Variants in CKAP5 observed in about 807,000 individuals in gnomAD.
The protein encoded by CKAP5 is cytoskeleton associated protein 5, also known as cytoskeleton-associated protein 5.
In CKAP5, 27 loss-of-function variants were observed where a neutral mutation model predicts 232.8. The ratio of observed to expected loss-of-function variants is 0.12; its 90% CI spans 0.09 to 0.16. CKAP5 has a LOEUF of 0.16. Among genes scored for constraint, CKAP5 ranks in the 10% least tolerant of loss-of-function variants. CKAP5 has a pLI of 1.00. For synonymous variants in CKAP5, 785 were observed against 841.1 expected (o/e 0.93, Z 1.16); for missense variants, 1,838 against 2,424.7 (o/e 0.76, Z 5.08).
intron 1 of CKAP5, among the ~76,000 whole-genome samples, chr11:46,845,432 T>A (rs572384013): frequency 6.6e-6 from 1 of 152,364 alleles, no homozygotes; most frequent in Non-Finnish European, 1.5e-5. Context: ...CTAGCCACTC[T>A]GGCAACAACC....
At position 46,758,649 on chromosome 11, in the gene CKAP5, T is replaced by C. The variant is rs143893212; in HGVS notation, c.4689+274A>G. 3.3e-3 allele frequency: 939 copies of C among 283,810 alleles called. 8 individuals carry two copies. The highest frequency in any genetic ancestry group is 0.019 in the African/African-American group (835 of 44,260). The allele number at this position is 283,810 out of a possible 1,614,324, so 17.6% of individuals were successfully genotyped here. A position where few individuals can be genotyped will look rare whatever the true frequency, so the allele number is the denominator to read the frequency against. On this transcript the variant is annotated intron_variant, in intron 35 of 43. Coordinates refer to ENST00000529230, the MANE Select transcript of CKAP5 (RefSeq NM_001008938.4). ...AGTTTGGGGCTGCAATGTGCTATGATAGTGCCTGTGAATAGCCACTGTACT... is the reference window on the plus strand; with the variant it reads ...AGTTTGGGGCTGCAATGTGCTATGACAGTGCCTGTGAATAGCCACTGTACT...
chr11:46,792,893 C>T (rs1288686604), intron 13 of CKAP5, among the ~76,000 whole-genome samples: 1 of 151,972 alleles, frequency 6.6e-6, no homozygotes, highest in African/African-American at 2.4e-5. Flanking sequence ...AAATAGCTGC[C>T]GATTTCCTGT....
At chr11:46,770,154 C>G (rs1216635609) in intron 25 of CKAP5, 56 bp from the exon 26 acceptor site, 39 of 1,565,156 alleles carry the variant, frequency 2.5e-5, no homozygotes, top group Non-Finnish European at 2.9e-5. Context: ...TAAAGTCATA[C>G]AAAGCTTATG....
Position 46,770,854 on chromosome 11 carries a change from A to G in CKAP5, c.3120T>C (p.Asp1040=), listed in dbSNP as rs1455782289. ...RNGDVRKKAQ[D]ALPFFMMHLG... ...AATGCATCATGAAGAATGGCAAGGC[A>G]TCTTGGGCCTTCTTTCGCACATCTC... Residue 1040 remains aspartate (D), a synonymous_variant, in exon 25 of 44, where the codon GAT becomes GAC. Coordinates refer to ENST00000529230, the MANE Select transcript of CKAP5 (RefSeq NM_001008938.4). The G allele has an allele frequency of 6.2e-7, 1 of 1,614,212 alleles. No individual in the cohort carries two copies. The highest frequency in any genetic ancestry group is 1.7e-5 in the Admixed American group (1 of 60,022).
Position 46,843,728 on chromosome 11 carries a change from G to GAA in CKAP5, c.-38+2490_-38+2491dup, listed in dbSNP as rs11362980. Among the ~76,000 whole-genome samples the GAA allele has an allele frequency of 2.9e-3, 317 of 107,540 alleles. 1 individual carries two copies. The highest frequency in any genetic ancestry group is 0.011 in the African/African-American group (298 of 27,872). 70.6% of individuals were successfully genotyped at this position (107,540 alleles called of 152,430 possible). A position where few individuals can be genotyped will look rare whatever the true frequency, so the allele number is the denominator to read the frequency against. Reference sequence around the variant, plus strand: ...CAGGGCGAAAGAGTGAGATCTGATTGAAAAAAAAAAAAAAAAAAAATTGAG... The same window carrying GAA: ...CAGGGCGAAAGAGTGAGATCTGATTGAAAAAAAAAAAAAAAAAAAAAATTGAG... On this transcript the variant is annotated intron_variant, in intron 1 of 43. Coordinates refer to ENST00000529230, the MANE Select transcript of CKAP5 (RefSeq NM_001008938.4).
intron 20 of CKAP5, 89 bp from the exon 21 acceptor site, chr11:46,778,688 A>G: frequency 9.4e-7 from 1 of 1,065,252 alleles, no homozygotes; most frequent in Non-Finnish European, 1.4e-6. Flanking sequence ...TCAAACTCTC[A>G]TTCCTTTGTA....
At chr11:46,818,804 AAAGATGTG>A (rs1939464383) in intron 2 of CKAP5, among the ~76,000 whole-genome samples, 1 of 152,202 alleles carries the variant, frequency 6.6e-6, no homozygotes, top group South Asian at 2.1e-4. Context: ...ATATTGTATT[AAAGATGTG>A]ATAACTCAAA....
chr11:46,822,741 C>CAAAAAAAAAA (rs57170422), intron 1 of CKAP5, among the ~76,000 whole-genome samples: 7 of 77,848 alleles, frequency 9.0e-5, no homozygotes, highest in African/African-American at 3.5e-4. Context: ...GACTCCGTCC[C>CAAAAAAAAAA]AAAAAAAAAA....
chr11:46,803,666 AG>A (rs1939087790), intron 8 of CKAP5, among the ~76,000 whole-genome samples: 1 of 152,304 alleles, frequency 6.6e-6, no homozygotes, highest in Non-Finnish European at 1.5e-5. Context: ...CTGACTCCAA[AG>A]TTTTTGCTCC....
At chr11:46,766,525 C>G (rs1592443070) in intron 27 of CKAP5, among the ~76,000 whole-genome samples, 1 of 152,188 alleles carries the variant, frequency 6.6e-6, no homozygotes, top group African/African-American at 2.4e-5. Context: ...AGTGTGTACT[C>G]CAAAATGGGG....
At chr11:46,758,316 G>C in intron 35 of CKAP5, among the ~76,000 whole-genome samples, 1 of 152,038 alleles carries the variant, frequency 6.6e-6, no homozygotes. Flanking sequence ...AAGCCCCAAG[G>C]ATATCAGAGT....
chr11:46,760,531 GAT>G, intron 33 of CKAP5, 79 bp downstream of exon 33: 1 of 1,377,090 alleles, frequency 7.3e-7, no homozygotes, highest in Non-Finnish European at 1.0e-6. Flanking sequence ...AAGAACTCAA[GAT>G]TATGTTACAG....
intron 26 of CKAP5, among the ~76,000 whole-genome samples, chr11:46,769,738 T>C (rs758856080): frequency 2.0e-5 from 3 of 151,896 alleles, no homozygotes; most frequent in Non-Finnish European, 4.4e-5. Flanking sequence ...CTTTTTAGAA[T>C]TAGAAACCAA....
At chr11:46,797,091 C>T (rs1405854682) in intron 11 of CKAP5, 151 bp from the exon 12 acceptor site, 1 of 880,120 alleles carries the variant, frequency 1.1e-6, no homozygotes, top group East Asian at 2.9e-5. Flanking sequence ...TTGACAGTTA[C>T]TCTTTCAAAA....
rs536161851 is a variant in CKAP5, at chr11:46,809,627, C to G, written c.763+115G>C. On this transcript the variant is annotated intron_variant, in intron 6 of 43. Transcript: ENST00000529230. ...GGACCAGAGTTATTAAAGCTACATG[C>G]AACTTATATTTTATTAAAGGCAATC... 5.8e-6 allele frequency: 8 copies of G among 1,387,116 alleles called. No homozygotes were observed. The African/African-American group carries it at 1.2e-4, about 20-fold the overall frequency. The allele number at this position is 1,387,116 out of a possible 1,614,324, so 85.9% of individuals were successfully genotyped here. A position where few individuals can be genotyped will look rare whatever the true frequency, so the allele number is the denominator to read the frequency against.
At chr11:46,780,701 G>A (rs2065334718) in intron 18 of CKAP5, among the ~76,000 whole-genome samples, 1 of 152,100 alleles carries the variant, frequency 6.6e-6, no homozygotes, top group African/African-American at 2.4e-5. Context: ...TGCAACCTCT[G>A]CCTCTCTGGT....
In CKAP5 at chr11:46,767,658, C is replaced by G. The variant is rs1161425801; in HGVS notation, c.3328G>C (p.Ala1110Pro). The change falls in exon 27 of 44, where the codon GCT becomes CCT. Residue 1110 changes from alanine (A) to proline (P), a missense_variant. By Grantham distance (27) the Ala-to-Pro change is conservative (BLOSUM62 -1). Coordinates refer to ENST00000529230, the MANE Select transcript of CKAP5 (RefSeq NM_001008938.4). The stretch of plus-strand genomic sequence containing the variant: ...GTACTGCTGGAAATACAATCTTCAG[C>G]AGGTGCTTTGAGGAAAAAAATATAT... ...PAKFQPASAP[A>P]EDCISSSTEP... 1.2e-6 allele frequency: 2 copies of G among 1,606,026 alleles called. No homozygotes were observed. Among genetic ancestry groups the G allele is most frequent in the South Asian group, 2.2e-5 (2 of 89,838 alleles).
intron 4 of CKAP5, 88 bp from the exon 5 acceptor site, chr11:46,811,266 A>G (rs1308581351): frequency 9.5e-7 from 1 of 1,050,682 alleles, no homozygotes; most frequent in Non-Finnish European, 1.4e-6. Context: ...ATAGTTCCAT[A>G]TCTACATATT....
intron 33 of CKAP5, chr11:46,760,340 G>A: frequency 1.7e-6 from 1 of 586,830 alleles, no homozygotes; most frequent in South Asian, 1.6e-5. Flanking sequence ...GAAATTAGCA[G>A]GCAGTACTTA....
Sources: allele counts gnomAD v4.1 joint callset (sites outside exome capture counted in the v4.1 genomes callset), GRCh38; gene constraint gnomAD v4.1.1; transcripts MANE v1.5; gene names NCBI Gene and HGNC (gene_info 2026-07-23, HGNC 2026-07-21).